The following ANXA6 variants were observed in gnomAD, a reference collection of about 807,000 sequenced individuals.
ANXA6 encodes annexin A6.
ANXA6 carries 71 observed loss-of-function variants against 95.4 expected under a neutral mutation model. That is an observed-to-expected ratio of 0.74 (90% CI 0.61 to 0.91). The LOEUF is 0.91. Ranked by LOEUF, ANXA6 falls within the 40% of genes least tolerant of loss-of-function variation. ANXA6 has a pLI of 0.00. For synonymous variants in ANXA6, 289 were observed against 315.9 expected, an observed-to-expected ratio of 0.91 and a Z score of 0.90; for missense variants, 830 against 876.4, an observed-to-expected ratio of 0.95 and a Z score of 0.67.
intron 15 of ANXA6, 48 bp from the exon 16 acceptor site, chr5:151,123,059 G>T: frequency 6.5e-7 from 1 of 1,527,492 alleles, no homozygotes; most frequent in Non-Finnish European, 9.0e-7. Context: ...GTGGCTCTCG[G>T]CTTTCCCCAT....
At chr5:151,133,596 G>A (rs1231620254) in intron 8 of ANXA6, among the ~76,000 whole-genome samples, 1 of 152,100 alleles carries the variant, frequency 6.6e-6, no homozygotes, top group Non-Finnish European at 1.5e-5. Context: ...GAAAATATGG[G>A]GTTATAATCT....
chr5:151,151,113 T>C (rs10077099), intron 1 of ANXA6: 18,183 of 152,200 alleles, frequency 0.12, 1,218 homozygotes, highest in African/African-American at 0.19. Context: ...AGTTCATATG[T>C]AAAAAGCAAG....
Position 151,134,285 on chromosome 5 carries a change from C to T in ANXA6, c.546+142G>A, listed in dbSNP as rs1324953455. On this transcript the variant is annotated intron_variant, in intron 8 of 25. Coordinates refer to ENST00000354546, the MANE Select transcript of ANXA6 (RefSeq NM_001155.5). ...TTATATCTTTTCTTCAACAAAGCAC[C>T]GGTATACATGACAGCTGTGGCTGGG... The T allele has an allele frequency of 1.3e-5, 10 of 754,450 alleles. 1 individual carries two copies. The highest frequency in any genetic ancestry group is 3.5e-5 in the African/African-American group (2 of 57,734). The allele number at this position is 754,450 out of a possible 1,614,324, so 46.7% of individuals were successfully genotyped here.
rs1316531 is a variant in ANXA6, at chr5:151,135,255, G to A, written c.490-772C>T. On this transcript the variant is annotated intron_variant, in intron 7 of 25. Coordinates refer to ENST00000354546, the MANE Select transcript of ANXA6 (RefSeq NM_001155.5). ...AGCTGGCAAGCTTACAATGTGTGCC[G>A]CGCTGCTGCTTGGTGTCAAACCTTG... Among the ~76,000 whole-genome samples, 1,034 of 152,254 alleles carry A rather than the reference G, an allele frequency of 6.8e-3. 18 individuals are homozygous for A. The highest frequency in any genetic ancestry group is 0.024 in the African/African-American group (991 of 41,512).
At chr5:151,129,685 C>T (rs1765437857) in intron 11 of ANXA6, among the ~76,000 whole-genome samples, 156 bp from the exon 12 acceptor site, 1 of 142,894 alleles carries the variant, frequency 7.0e-6, no homozygotes, top group African/African-American at 2.6e-5. Context: ...TCTCTCTATG[C>T]TCCTCTTACT....
chr5:151,137,349 T>A, intron 5 of ANXA6, 28 bp from the exon 6 acceptor site: 39 of 1,424,788 alleles, frequency 2.7e-5, no homozygotes, highest in Non-Finnish European at 3.6e-5. Flanking sequence ...GCGCATGAAT[T>A]AAGGGCAGGG....
rs766069902 is a variant in ANXA6 at position 151,101,490 on chromosome 5, G to GTC, written c.1978_1979dup (p.Asp660GlufsTer4). ...AGAGAGCCAGCAAGGCCTTCAGGAA[G>GTC]TCTCCGGAGGTGTCACCCTGGCAGA... On this transcript the variant is annotated frameshift_variant, in exon 26 of 26. Coordinates refer to ENST00000354546, the MANE Select transcript of ANXA6 (RefSeq NM_001155.5). LOFTEE classifies it high-confidence loss of function. 39 of 1,560,752 alleles carry GTC rather than the reference G, an allele frequency of 2.5e-5. No individual in the cohort carries two copies. Among genetic ancestry groups the GTC allele is most frequent in the Non-Finnish European group, 3.2e-5 (37 of 1,152,466 alleles).
At chr5:151,141,188 C>T (rs1410885910) in intron 2 of ANXA6, among the ~76,000 whole-genome samples, 1 of 152,222 alleles carries the variant, frequency 6.6e-6, no homozygotes, top group African/African-American at 2.4e-5. Flanking sequence ...AGTTACATGG[C>T]ACTGAAAAGT....
rs762175918 is a variant in ANXA6, at chr5:151,138,785, T to C, written c.211A>G (p.Ile71Val). ...SYKSLYGKDLIADLKYELTGK... is the reference protein window; with the variant it reads ...SYKSLYGKDLVADLKYELTGK... ...GTCAATTCATACTTTAAATCAGCAATGAGGTCCTGGCAGGTGGGGAAGAAG... is the reference window on the plus strand; with the variant it reads ...GTCAATTCATACTTTAAATCAGCAACGAGGTCCTGGCAGGTGGGGAAGAAG... The change falls in exon 5 of 26, where the codon ATT (isoleucine) becomes GTT (valine). Residue 71 changes from isoleucine (I) to valine (V), a missense_variant. Ile to Val is a conservative substitution (Grantham distance 29). Coordinates refer to ENST00000354546, the MANE Select transcript of ANXA6 (RefSeq NM_001155.5). The C allele has an allele frequency of 1.2e-5, 19 of 1,612,250 alleles. No homozygotes were observed. The highest frequency in any genetic ancestry group is 6.7e-5 in the African/African-American group (5 of 74,854).
intron 14 of ANXA6, 40 bp from the exon 15 acceptor site, chr5:151,124,407 C>T (rs750213359): frequency 6.4e-7 from 1 of 1,566,534 alleles, no homozygotes; most frequent in South Asian, 1.2e-5. Context: ...TGTCTGAAGG[C>T]CCCCCTGGGG....
At chr5:151,141,246 G>C (rs1271864306) in intron 2 of ANXA6, among the ~76,000 whole-genome samples, 4 of 152,224 alleles carry the variant, frequency 2.6e-5, no homozygotes, top group African/African-American at 9.7e-5. Context: ...GAGGATGCCA[G>C]AGCCTGTCAC....
At chr5:151,104,186 G>A (rs1376968236) in intron 24 of ANXA6, among the ~76,000 whole-genome samples, 5 of 152,116 alleles carry the variant, frequency 3.3e-5, no homozygotes, top group African/African-American at 1.2e-4. Flanking sequence ...TTCTCCCCCA[G>A]AGCCTCCAGG....
At chr5:151,124,439 C>A in intron 14 of ANXA6, 72 bp from the exon 15 acceptor site, 13 of 1,474,550 alleles carry the variant, frequency 8.8e-6, no homozygotes, top group South Asian at 1.2e-5. Context: ...AGACAGCATG[C>A]GAGGGTGGGA....
At chr5:151,102,882 T>G (rs1473969194) in intron 25 of ANXA6, among the ~76,000 whole-genome samples, 1 of 152,210 alleles carries the variant, frequency 6.6e-6, no homozygotes, top group Non-Finnish European at 1.5e-5. Flanking sequence ...ATGATAGAAG[T>G]GTTTGGAAAC....
At chr5:151,119,605 C>A (rs572113186) in intron 17 of ANXA6, among the ~76,000 whole-genome samples, 1 of 152,302 alleles carries the variant, frequency 6.6e-6, no homozygotes, top group Admixed American at 6.5e-5. Context: ...GCTTTGCCTT[C>A]CAGCCCCCCA....
At chr5:151,152,656 C>T (rs1766136542) in intron 1 of ANXA6, among the ~76,000 whole-genome samples, 2 of 152,172 alleles carry the variant, frequency 1.3e-5, no homozygotes, top group African/African-American at 2.4e-5. Flanking sequence ...GGGTGCAGGA[C>T]AAGAGTATCA....
chr5:151,125,262 A>C (rs1244330121), intron 14 of ANXA6, among the ~76,000 whole-genome samples: 6 of 149,230 alleles, frequency 4.0e-5, no homozygotes, highest in Non-Finnish European at 4.4e-5. Context: ...TGGAAGGATC[A>C]CCTGAGCCTG....
chr5:151,147,799 T>C, intron 2 of ANXA6, 85 bp downstream of exon 2: 1 of 1,440,452 alleles, frequency 6.9e-7, no homozygotes, highest in Non-Finnish European at 9.6e-7. Context: ...GTACCAGGGG[T>C]CTCTGTAGCA....
intron 21 of ANXA6, 94 bp downstream of exon 21, chr5:151,110,533 C>T (rs1252764726): frequency 3.5e-6 from 5 of 1,415,402 alleles, no homozygotes; most frequent in Non-Finnish European, 4.9e-6. Context: ...ACAGCAAGCT[C>T]CCAAATCACT....
Sources: gnomAD v4.1 joint callset for allele counts (sites outside exome capture counted in the v4.1 genomes callset) on GRCh38, gnomAD v4.1.1 for gene constraint, MANE v1.5 for transcripts, NCBI Gene and HGNC (gene_info 2026-07-23, HGNC 2026-07-21) for gene names.